The following C19orf25 variants were observed in gnomAD, a reference collection of about 807,000 sequenced individuals.
C19orf25 encodes UPF0449 protein C19orf25.
A neutral mutation model predicts 3.1 loss-of-function variants in C19orf25; 1 was observed. The ratio of observed to expected loss-of-function variants is 0.32; its 90% CI spans 0.12 to 1.54. The LOEUF (loss-of-function observed/expected upper bound fraction) is 1.54, where lower values mean the gene tolerates loss of function less well. Among genes scored for constraint, C19orf25 ranks in the 40% most tolerant of loss-of-function variants. C19orf25 has a pLI of 0.38. For synonymous variants in C19orf25, 91 were observed against 74.3 expected (o/e 1.23, Z -1.16); for missense variants, 196 against 160.4 (o/e 1.22, Z -1.20).
chr19:1,476,196 C>G (rs964899757), intron 2 of C19orf25: 2 of 398,714 alleles, frequency 5.0e-6, no homozygotes, highest in Non-Finnish European at 8.8e-6. Flanking sequence ...CGTCAGGGGC[C>G]CCTCGGCTCT....
chr19:1,477,841 A>AAAT (rs2084221334), intron 2 of C19orf25, among the ~76,000 whole-genome samples: 1 of 152,112 alleles, frequency 6.6e-6, no homozygotes, highest in Non-Finnish European at 1.5e-5. Context: ...TCTATTTATT[A>AAAT]ATTATTATTA....
At position 1,474,673 on chromosome 19, in the gene C19orf25, G is replaced by T; in HGVS notation, c.*359C>A. On this transcript the variant is annotated 3_prime_UTR_variant, in exon 3 of 3. Transcript: ENST00000585675. ...CAACACCTGGACTCAGAAGTGGACA[G>T]GCGAGTGCCTGCCCCGGGAGAGGAA... is the stretch of plus-strand genomic sequence containing the variant. The T allele has an allele frequency of 1.3e-6, 1 of 785,716 alleles. No individual in the cohort carries two copies. The highest frequency in any genetic ancestry group is 1.9e-6 in the Non-Finnish European group (1 of 518,250). 48.7% of individuals were successfully genotyped at this position (785,716 alleles called of 1,614,324 possible). A position where few individuals can be genotyped will look rare whatever the true frequency, so the allele number is the denominator to read the frequency against.
intron 2 of C19orf25, among the ~76,000 whole-genome samples, chr19:1,476,973 T>C (rs1353616251): frequency 6.7e-6 from 1 of 149,794 alleles, no homozygotes; most frequent in East Asian, 2.0e-4. Flanking sequence ...ACAGTTTCTA[T>C]CATTCCACAT....
At position 1,475,222 on chromosome 19, in the gene C19orf25, T is replaced by C; in HGVS notation, c.167A>G (p.Glu56Gly). The C allele has an allele frequency of 1.3e-6, 2 of 1,560,336 alleles. No homozygotes were observed. The highest frequency in any genetic ancestry group is 1.7e-4 in the Middle Eastern group (1 of 6,002). ...CTGGTAGAGCTGCTCTCCCGGGGCC[T>C]CCGCATCCTCCATCATCCTGAAGGG... ...PVPFRMMEDA[E>G]APGEQLYQQS... is the part of the protein sequence containing the mutation. The change falls in exon 3 of 3, where the codon GAG becomes GGG. Residue 56 changes from glutamate to glycine, a missense_variant. Glu to Gly is a moderately conservative substitution (Grantham distance 98, BLOSUM62 -2). Transcript: ENST00000585675.
chr19:1,475,950 T>C (rs182514731), intron 2 of C19orf25: 48 of 366,652 alleles, frequency 1.3e-4, no homozygotes, highest in African/African-American at 8.9e-4. Context: ...TCATTCCTGC[T>C]GTCTCTGGAA....
At chr19:1,477,613 C>T (rs566549436) in intron 2 of C19orf25, among the ~76,000 whole-genome samples, 1 of 152,320 alleles carries the variant, frequency 6.6e-6, no homozygotes, top group Non-Finnish European at 1.5e-5. Flanking sequence ...AGAGCAGCCA[C>T]TAACCGTATG....
At chr19:1,476,613 A>G (rs2084208178) in intron 2 of C19orf25, 1 of 282,020 alleles carries the variant, frequency 3.5e-6, no homozygotes, top group Non-Finnish European at 6.6e-6. Flanking sequence ...GGCACTTGAA[A>G]TATGTCTAAA....
In C19orf25 at chr19:1,477,311, T is replaced by C. The variant is rs1007561054; in HGVS notation, c.130+1463A>G. On this transcript the variant is annotated intron_variant, in intron 2 of 2. Transcript: ENST00000585675. ...GCCACCGCACCTGGCCGATTCATCT[T>C]CATTTGTTTCCCGCCAGCCCCAGAA... Among the ~76,000 whole-genome samples, 4 of 151,076 alleles carry C rather than the reference T, an allele frequency of 2.6e-5. No homozygotes were observed. The East Asian group carries it at 7.7e-4, about 29-fold the overall frequency.
intron 2 of C19orf25, 110 bp downstream of exon 2, chr19:1,478,664 T>C: frequency 6.6e-7 from 1 of 1,508,094 alleles, no homozygotes; most frequent in Non-Finnish European, 8.9e-7. Flanking sequence ...CGTGCCCATG[T>C]TGCGGGGGTT....
At chr19:1,478,730 C>G (rs1295991009) in intron 2 of C19orf25, 44 bp downstream of exon 2, 5 of 1,538,138 alleles carry the variant, frequency 3.3e-6, no homozygotes, top group Non-Finnish European at 4.4e-6. Flanking sequence ...CCCTTGCTGC[C>G]GGGGTCTCAG....
At chr19:1,477,001 CTTTTT>C (rs57364052) in intron 2 of C19orf25, among the ~76,000 whole-genome samples, 1 of 143,512 alleles carries the variant, frequency 7.0e-6, no homozygotes, top group African/African-American at 2.6e-5. Flanking sequence ...TTTCTTTTTT[CTTTTT>C]TTTTTTTGTT....
Position 1,473,216 on chromosome 19 carries a change from C to T in C19orf25, c.*1816G>A, listed in dbSNP as rs1038854358. On this transcript the variant is annotated 3_prime_UTR_variant, in exon 3 of 3. Transcript: ENST00000585675. Reference sequence around the variant, plus strand: ...CACCGTCAGCTGTCCGACTCGCACACATTTAATAAACTGAGCTCTTGCATT... The same window carrying T: ...CACCGTCAGCTGTCCGACTCGCACATATTTAATAAACTGAGCTCTTGCATT... 3 of 152,314 alleles carry T rather than the reference C, an allele frequency of 2.0e-5. No homozygotes were observed. The highest frequency in any genetic ancestry group is 7.2e-5 in the African/African-American group (3 of 41,474). The allele number at this position is 152,314 out of a possible 1,614,324, so 9.4% of individuals were successfully genotyped here. A position where few individuals can be genotyped will look rare whatever the true frequency, so the allele number is the denominator to read the frequency against.
Position 1,478,644 on chromosome 19 carries a change from G to A in C19orf25, c.130+130C>T, listed in dbSNP as rs1168934533. ...GGAGGAGTAGAGGGAGACTCGGAGA[G>A]GATACGGACCGTGCCCATGTTGCGG... On this transcript the variant is annotated intron_variant, in intron 2 of 2. Coordinates refer to ENST00000585675, the MANE Select transcript of C19orf25 (RefSeq NM_152482.3). The A allele has an allele frequency of 2.0e-6, 3 of 1,488,496 alleles. No individual in the cohort carries two copies. In the East Asian group the frequency reaches 7.6e-5, roughly 38 times the overall value. 92.2% of individuals were successfully genotyped at this position (1,488,496 alleles called of 1,614,324 possible). A position where few individuals can be genotyped will look rare whatever the true frequency, so the allele number is the denominator to read the frequency against.
At chr19:1,475,491 G>A (rs2084196666) in intron 2 of C19orf25, 1 of 530,784 alleles carries the variant, frequency 1.9e-6, no homozygotes, top group Non-Finnish European at 3.4e-6. Flanking sequence ...GACCAGCCTG[G>A]ACAACATAGT....
rs961533609 is a variant in C19orf25 at position 1,479,200 on chromosome 19, A to C, written c.-40T>G. On this transcript the variant is annotated 5_prime_UTR_variant, in exon 1 of 3. Coordinates refer to ENST00000585675, the MANE Select transcript of C19orf25 (RefSeq NM_152482.3). ...CCCGAAAGCCCAGCGTCGACGACGC[A>C]GCCACTTCCGATTCCGGTCGGAGCA... 1 of 1,255,646 alleles carries C rather than the reference A, an allele frequency of 8.0e-7. No individual in the cohort carries two copies. Among genetic ancestry groups the C allele is most frequent in the Non-Finnish European group, 1.0e-6 (1 of 999,228 alleles). The allele number at this position is 1,255,646 out of a possible 1,614,324, so 77.8% of individuals were successfully genotyped here.
intron 2 of C19orf25, chr19:1,478,475 T>C (rs1157396154): frequency 1.4e-6 from 1 of 704,800 alleles, no homozygotes; most frequent in Non-Finnish European, 2.0e-6. Context: ...GGTTTCACCA[T>C]GTTGGCCAGG....
At position 1,475,131 on chromosome 19, in the gene C19orf25, C is replaced by A; in HGVS notation, c.258G>T (p.Arg86Ser). The A allele has an allele frequency of 6.2e-7, 1 of 1,600,708 alleles. No homozygotes were observed. The highest frequency in any genetic ancestry group is 8.5e-7 in the Non-Finnish European group (1 of 1,174,772). Residue 86 changes from arginine (R) to serine (S), a missense_variant, in exon 3 of 3, where the codon AGG (arginine) becomes AGT (serine). Physicochemically the swap from Arg to Ser is moderately radical, Grantham distance 110 (BLOSUM62 -1). Coordinates refer to ENST00000585675, the MANE Select transcript of C19orf25 (RefSeq NM_152482.3). ...LQQAGNVLRQ[R>S]CELLQRAGED... The stretch of plus-strand genomic sequence containing the variant: ...CGCCGGCTCGCTGCAGGAGCTCACA[C>A]CTCTGCCTCAGCACGTTGCCCGCCT...
intron 2 of C19orf25, chr19:1,475,578 T>A: frequency 3.4e-6 from 1 of 298,186 alleles, no homozygotes; most frequent in East Asian, 5.8e-5. Context: ...GGTCCCTACT[T>A]CTCTGGAGGC....
rs992872832 is a variant in C19orf25, at chr19:1,476,094, C to T, written c.131-836G>A. On this transcript the variant is annotated intron_variant, in intron 2 of 2. Transcript: ENST00000585675. ...ACGTCCTGGTGACTCCCACATTCAG[C>T]AGAAACTACGTATGGCTCCCTGCTC... 2.8e-5 allele frequency: 11 copies of T among 398,208 alleles called. No individual in the cohort carries two copies. The South Asian group carries it at 1.4e-3, about 51-fold the overall frequency. The allele number at this position is 398,208 out of a possible 1,614,324, so 24.7% of individuals were successfully genotyped here. A position where few individuals can be genotyped will look rare whatever the true frequency, so the allele number is the denominator to read the frequency against.
Sources: allele counts gnomAD v4.1 joint callset (sites outside exome capture counted in the v4.1 genomes callset), GRCh38; gene constraint gnomAD v4.1.1; transcripts MANE v1.5; gene names NCBI Gene and HGNC (gene_info 2026-07-23, HGNC 2026-07-21).